WWP1: variants seen among roughly 807,000 people sequenced by gnomAD.
WWP1 encodes the protein NEDD4-like E3 ubiquitin-protein ligase WWP1.
Under a neutral mutation model 130.6 loss-of-function variants are expected in WWP1, and 49 were observed. That is an observed-to-expected ratio of 0.38 (90% CI 0.30 to 0.48). The LOEUF is 0.48. Ranked by LOEUF, WWP1 falls within the 20% of genes least tolerant of loss-of-function variation. WWP1 has a pLI of 0.99. For missense variants in WWP1, 809 were observed against 1,100.6 expected, an observed-to-expected ratio of 0.74 and a Z score of 3.75; for synonymous variants, 332 against 367.8, an observed-to-expected ratio of 0.90 and a Z score of 1.11.
At chr8:86,391,358 G>C (rs6471316) in intron 5 of WWP1, among the ~76,000 whole-genome samples, 111,093 of 152,148 alleles carry the variant, frequency 0.73, 41,413 homozygotes, top group African/African-American at 0.82. Flanking sequence ...GTTCAGGTCA[G>C]TTGAACAACA....
chr8:86,415,784 G>A (rs1808855027), intron 9 of WWP1, among the ~76,000 whole-genome samples: 1 of 152,246 alleles, frequency 6.6e-6, no homozygotes, highest in Non-Finnish European at 1.5e-5. Flanking sequence ...TCAGCATGAT[G>A]TAACCTTTAT....
At chr8:86,358,597 C>T (rs571444385) in intron 1 of WWP1, among the ~76,000 whole-genome samples, 1 of 151,932 alleles carries the variant, frequency 6.6e-6, no homozygotes, top group South Asian at 2.1e-4. Flanking sequence ...ATTGTCCTAC[C>T]TCAGCCTCTT....
At chr8:86,448,610 G>A in intron 20 of WWP1, 97 bp downstream of exon 20, 2 of 1,237,554 alleles carry the variant, frequency 1.6e-6, no homozygotes, top group South Asian at 2.0e-5. Flanking sequence ...CATGCCTTTG[G>A]GAAGTTCTTC....
At chr8:86,450,771 A>G (rs2130751400) in intron 20 of WWP1, among the ~76,000 whole-genome samples, 1 of 152,270 alleles carries the variant, frequency 6.6e-6, no homozygotes, top group African/African-American at 2.4e-5. Flanking sequence ...TTTAGTGCAC[A>G]AAATAGGCCA....
At chr8:86,386,134 T>C (rs1286504153) in intron 5 of WWP1, among the ~76,000 whole-genome samples, 1 of 152,246 alleles carries the variant, frequency 6.6e-6, no homozygotes, top group African/African-American at 2.4e-5. Context: ...CATTATCTTC[T>C]GAGTATGCTT....
intron 3 of WWP1, among the ~76,000 whole-genome samples, chr8:86,378,644 C>T (rs1008509112): frequency 3.9e-5 from 6 of 152,132 alleles, no homozygotes; most frequent in African/African-American, 1.4e-4. Context: ...TTTAAAATCA[C>T]ATTATTTATA....
chr8:86,397,676 A>G (rs1225327203), intron 5 of WWP1, among the ~76,000 whole-genome samples: 1 of 152,232 alleles, frequency 6.6e-6, no homozygotes, highest in Non-Finnish European at 1.5e-5. Context: ...TAGTCTAAAT[A>G]TATAGTCTAA....
chr8:86,381,015 ATT>A, intron 4 of WWP1, 151 bp downstream of exon 4: 3 of 953,872 alleles, frequency 3.1e-6, no homozygotes, highest in East Asian at 3.5e-5. Flanking sequence ...TTTTGGTTAA[ATT>A]TTTTTTTTAA....
chr8:86,459,028 T>C (rs1010488900), intron 22 of WWP1, among the ~76,000 whole-genome samples: 9 of 117,802 alleles, frequency 7.6e-5, no homozygotes, highest in Non-Finnish European at 7.7e-5. Flanking sequence ...TTTTTCTTTT[T>C]TTTTTTTTTT....
At chr8:86,423,907 C>A (rs1809404041) in intron 9 of WWP1, among the ~76,000 whole-genome samples, 1 of 143,850 alleles carries the variant, frequency 7.0e-6, no homozygotes. Context: ...GGCTGCCCCC[C>A]ACCTCCCTCC....
intron 17 of WWP1, chr8:86,440,589 A>T (rs542371699): frequency 2.4e-6 from 1 of 422,552 alleles, no homozygotes; most frequent in East Asian, 7.1e-5. Flanking sequence ...CTGAAGTTCA[A>T]TAATTTCACT....
intron 14 of WWP1, among the ~76,000 whole-genome samples, chr8:86,434,343 G>A (rs1488777050): frequency 1.3e-5 from 2 of 152,106 alleles, no homozygotes; most frequent in African/African-American, 4.8e-5. Context: ...CATTCACCGT[G>A]TTCTAGCTTC....
At chr8:86,400,019 T>C (rs1043020263) in intron 7 of WWP1, among the ~76,000 whole-genome samples, 5 of 152,182 alleles carry the variant, frequency 3.3e-5, no homozygotes, top group Non-Finnish European at 7.4e-5. Context: ...CCATGAAATT[T>C]ACATTCTGAT....
intron 9 of WWP1, among the ~76,000 whole-genome samples, chr8:86,419,660 A>G (rs992946071): frequency 6.6e-6 from 1 of 152,206 alleles, no homozygotes; most frequent in Non-Finnish European, 1.5e-5. Context: ...AAATGGGAGG[A>G]AGTCCTTAAC....
At chr8:86,380,062 G>A (rs1268564211) in intron 3 of WWP1, among the ~76,000 whole-genome samples, 4 of 152,140 alleles carry the variant, frequency 2.6e-5, no homozygotes, top group Non-Finnish European at 5.9e-5. Context: ...GTGCACAAAT[G>A]TTCATAACAG....
At chr8:86,458,884 A>G (rs1317799580) in intron 22 of WWP1, among the ~76,000 whole-genome samples, 1 of 152,210 alleles carries the variant, frequency 6.6e-6, no homozygotes, top group Non-Finnish European at 1.5e-5. Flanking sequence ...CAAAGTATTT[A>G]ATGCAACATC....
intron 22 of WWP1, among the ~76,000 whole-genome samples, chr8:86,461,010 C>T (rs954206828): frequency 7.2e-5 from 11 of 151,728 alleles, no homozygotes; most frequent in Non-Finnish European, 1.5e-4. Context: ...AGGGTTTCAC[C>T]ATGTTAGCCA....
intron 11 of WWP1, among the ~76,000 whole-genome samples, chr8:86,428,593 C>T (rs1809758665): frequency 1.3e-5 from 2 of 152,140 alleles, no homozygotes; most frequent in South Asian, 4.1e-4. Context: ...CTCTTTCAAC[C>T]ACATTTTTTT....
chr8:86,397,368 G>C (rs900521782), intron 5 of WWP1, among the ~76,000 whole-genome samples: 2 of 152,118 alleles, frequency 1.3e-5, no homozygotes, highest in Non-Finnish European at 2.9e-5. Context: ...ATGGGGTATG[G>C]AGTGATGTTA....
Sources: allele counts gnomAD v4.1 joint callset (sites outside exome capture counted in the v4.1 genomes callset), GRCh38; gene constraint gnomAD v4.1.1; transcripts MANE v1.5; gene names NCBI Gene and HGNC (gene_info 2026-07-23, HGNC 2026-07-21).